Variants in PCDH7 observed in about 807,000 individuals in gnomAD.
PCDH7 encodes the protein protocadherin-7.
Under a neutral mutation model 58.9 loss-of-function variants are expected in PCDH7, and 17 were observed. That is an observed-to-expected ratio of 0.29 (90% confidence interval 0.20 to 0.43). The LOEUF (loss-of-function observed/expected upper bound fraction) is 0.43, where lower values mean the gene tolerates loss of function less well. Ranked by LOEUF, PCDH7 falls within the 20% of genes least tolerant of loss-of-function variation. The pLI is 1.00. For synonymous variants in PCDH7, 664 were observed against 616.4 expected, an observed-to-expected ratio of 1.08 and a Z score of -1.14; for missense variants, 1,274 against 1,441.0, an observed-to-expected ratio of 0.88 and a Z score of 1.88.
At chr4:30,848,785 T>C (rs2109344499) in intron 1 of PCDH7, among the ~76,000 whole-genome samples, 1 of 152,222 alleles carries the variant, frequency 6.6e-6, no homozygotes, top group South Asian at 2.1e-4. Context: ...TGTTTCATGG[T>C]AACAGCTTAT....
At position 30,761,927 on chromosome 4, in the gene PCDH7, A is replaced by C. The variant is rs112826706; in HGVS notation, c.70+37331A>C. Among the ~76,000 whole-genome samples the C allele has an allele frequency of 1.1e-4, 16 of 152,350 alleles. 1 individual carries two copies. The highest frequency in any genetic ancestry group is 3.1e-4 in the African/African-American group (13 of 41,586). On this transcript the variant is annotated intron_variant, in intron 1 of 3. Transcript: ENST00000509759. ...CAGAATTAGTTTGATGTGACCTCAG[A>C]GCATACCTGCCAACCACCCTTGAGT...
At chr4:31,014,060 A>G (rs1425623819) in intron 3 of PCDH7, among the ~76,000 whole-genome samples, 1 of 152,188 alleles carries the variant, frequency 6.6e-6, no homozygotes, top group Non-Finnish European at 1.5e-5. Flanking sequence ...TTTTGGGGAT[A>G]GTAAATTTAT....
chr4:31,081,064 A>G (rs1239351963), intron 3 of PCDH7, among the ~76,000 whole-genome samples: 1 of 152,010 alleles, frequency 6.6e-6, no homozygotes, highest in Admixed American at 6.6e-5. Context: ...TTTATAACCT[A>G]CCCAGTCCTG....
chr4:30,997,573 T>A, intron 3 of PCDH7, among the ~76,000 whole-genome samples: 1 of 152,028 alleles, frequency 6.6e-6, no homozygotes, highest in East Asian at 1.9e-4. Flanking sequence ...CTGTATATAT[T>A]TAAAGATGGT....
intron 3 of PCDH7, among the ~76,000 whole-genome samples, chr4:31,033,181 A>G (rs575472574): frequency 6.6e-6 from 1 of 151,752 alleles, no homozygotes; most frequent in Admixed American, 6.5e-5. Flanking sequence ...TGTAAAGCCA[A>G]TAGAAATGTA....
chr4:30,787,631 T>C (rs1481458797), intron 1 of PCDH7, among the ~76,000 whole-genome samples: 4 of 152,098 alleles, frequency 2.6e-5, no homozygotes, highest in Non-Finnish European at 4.4e-5. Context: ...TACACATTTA[T>C]ATATGCAGAA....
chr4:30,965,260 A>G (rs1388126049), intron 3 of PCDH7, among the ~76,000 whole-genome samples: 1 of 152,084 alleles, frequency 6.6e-6, no homozygotes, highest in East Asian at 1.9e-4. Context: ...TTACATCCTG[A>G]CTCACAACTG....
intron 1 of PCDH7, among the ~76,000 whole-genome samples, chr4:30,756,543 C>G (rs1719333228): frequency 6.6e-6 from 1 of 152,100 alleles, no homozygotes; most frequent in African/African-American, 2.4e-5. Context: ...GTGCTGACAC[C>G]CCGAATACGG....
chr4:30,898,019 A>G lies in PCDH7; in HGVS notation c.71-22134A>G, dbSNP rs73214932. On this transcript the variant is annotated intron_variant, in intron 1 of 3. Transcript: ENST00000509759. ...TCTTTCCTCCCAAAGGTACATTTGT[A>G]GTTGAACCCCGATAAGAAAATTGAG... 5.4e-3 allele frequency among the ~76,000 whole-genome samples: 817 copies of G among 152,318 alleles called. 7 individuals are homozygous for G. The highest frequency in any genetic ancestry group is 8.6e-3 in the Non-Finnish European group (586 of 68,020).
At chr4:30,899,691 T>G (rs1301363628) in intron 1 of PCDH7, among the ~76,000 whole-genome samples, 1 of 152,196 alleles carries the variant, frequency 6.6e-6, no homozygotes, top group Non-Finnish European at 1.5e-5. Context: ...CCTTATAGAA[T>G]AGGAACCACT....
downstream of PCDH7, among the ~76,000 whole-genome samples, chr4:30,736,543 T>A (rs184428001): frequency 3.2e-3 from 481 of 149,532 alleles, 1 homozygote; most frequent in African/African-American, 4.0e-3. Context: ...TTATTTTTTT[T>A]TTTTTTTTTT....
chr4:30,948,085 T>A lies in PCDH7; in HGVS notation c.288-2035T>A, dbSNP rs563414843. Among the ~76,000 whole-genome samples the A allele has an allele frequency of 9.0e-4, 137 of 152,148 alleles. 1 individual carries two copies. The Middle Eastern group carries it at 0.027, about 30-fold the overall frequency. On this transcript the variant is annotated intron_variant, in intron 2 of 3. Coordinates refer to the PCDH7 transcript ENST00000509759. ...TTATGAAATCATTTTATATTGCTTA[T>A]TACATCTTAATAAATTATCAGTGTT... is the stretch of plus-strand genomic sequence containing the variant.
At chr4:31,019,851 GC>G (rs1356116390) in intron 3 of PCDH7, among the ~76,000 whole-genome samples, 1 of 151,954 alleles carries the variant, frequency 6.6e-6, no homozygotes, top group Non-Finnish European at 1.5e-5. Flanking sequence ...TCTGTTAGCT[GC>G]CTGGAAGAAT....
intron 1 of PCDH7, among the ~76,000 whole-genome samples, chr4:30,810,676 A>G (rs1726879859): frequency 6.6e-6 from 1 of 151,228 alleles, no homozygotes; most frequent in Non-Finnish European, 1.5e-5. Flanking sequence ...CAGTGGTGCA[A>G]TCTCTGCTCA....
intron 1 of PCDH7, among the ~76,000 whole-genome samples, chr4:30,760,002 C>T (rs971212713): frequency 1.3e-5 from 2 of 152,080 alleles, no homozygotes; most frequent in African/African-American, 4.8e-5. Flanking sequence ...GTGGCACCTC[C>T]TCTCTACATT....
chr4:30,859,008 T>C lies in PCDH7; in HGVS notation c.71-61145T>C, dbSNP rs1207081816. Among the ~76,000 whole-genome samples the C allele has an allele frequency of 5.9e-5, 9 of 152,196 alleles. 1 individual carries two copies. Among genetic ancestry groups the C allele is most frequent in the Admixed American group, 5.9e-4 (9 of 15,274 alleles). On this transcript the variant is annotated intron_variant, in intron 1 of 3. Transcript: ENST00000509759. ...TTTGGCCAATAGTGTTACTCTTCTC[T>C]AGCTTTCATCCTGAGCACTACAGCT...
chr4:30,946,992 G>A (rs556311361), intron 2 of PCDH7, among the ~76,000 whole-genome samples: 5 of 152,204 alleles, frequency 3.3e-5, no homozygotes, highest in Non-Finnish European at 7.4e-5. Flanking sequence ...GATTACAGGC[G>A]TGAGCCACTG....
intron 1 of PCDH7, among the ~76,000 whole-genome samples, chr4:30,859,676 G>A (rs1733947332): frequency 6.6e-6 from 1 of 152,066 alleles, no homozygotes; most frequent in Non-Finnish European, 1.5e-5. Context: ...CTGACCTCAA[G>A]TGATCCACCA....
Position 30,767,830 on chromosome 4 carries a change from C to A in PCDH7, c.70+43234C>A, listed in dbSNP as rs533059225. ...AAACTTTTCAGAATAATAAAAAATT[C>A]TTTGTACTGCTTATCTTCTGAAACA... is the stretch of plus-strand genomic sequence containing the variant. On this transcript the variant is annotated intron_variant, in intron 1 of 3. Transcript: ENST00000509759. Among the ~76,000 whole-genome samples, 6 of 152,226 alleles carry A rather than the reference C, an allele frequency of 3.9e-5. No homozygotes were observed. The South Asian group carries it at 1.2e-3, about 32-fold the overall frequency.
Sources: allele counts gnomAD v4.1 joint callset (sites outside exome capture counted in the v4.1 genomes callset), GRCh38; gene constraint gnomAD v4.1.1; transcripts MANE v1.5; gene names NCBI Gene and HGNC (gene_info 2026-07-23, HGNC 2026-07-21).